Variants in MAGI3 observed in about 807,000 individuals in gnomAD.
MAGI3 encodes membrane associated guanylate kinase, WW and PDZ domain containing 3.
Under a neutral mutation model 121.8 loss-of-function variants are expected in MAGI3, and 43 were observed. That is an observed-to-expected ratio of 0.35 (90% CI 0.28 to 0.46). The LOEUF is 0.46. Among genes scored for constraint, MAGI3 ranks in the 20% least tolerant of loss-of-function variants. The probability of loss-of-function intolerance (pLI) is 1.00; values close to 1 mark genes in which losing one functional copy is unlikely to be tolerated. For synonymous variants in MAGI3, 553 were observed against 639.3 expected (o/e 0.86, Z 2.04); for missense variants, 1,547 against 1,797.3 (o/e 0.86, Z 2.52).
rs1647959575 is a variant in MAGI3, at chr1:113,580,580, G to A, written c.472G>A (p.Val158Met). Residue 158 changes from valine to methionine, a missense_variant, in exon 3 of 21, where the codon GTG becomes ATG. Transcript: ENST00000307546. ...CCCCAGGGATGGAGAAGTACCAGGA[G>A]TGGATTATAATTTCATTTCCGTTGA... ...RAPRDGEVPG[V>M]DYNFISVEQF... The A allele has an allele frequency of 1.2e-6, 2 of 1,612,000 alleles. No individual in the cohort carries two copies. The highest frequency in any genetic ancestry group is 1.7e-6 in the Non-Finnish European group (2 of 1,178,614).
chr1:113,563,728 C>T (rs1477623927), intron 2 of MAGI3, among the ~76,000 whole-genome samples: 1 of 152,184 alleles, frequency 6.6e-6, no homozygotes, highest in Non-Finnish European at 1.5e-5. Context: ...GCAAGTCCAG[C>T]CAATGTCTTA....
chr1:113,457,821 T>C (rs1654831494), intron 1 of MAGI3, among the ~76,000 whole-genome samples: 1 of 152,102 alleles, frequency 6.6e-6, no homozygotes, highest in African/African-American at 2.4e-5. Context: ...GTCAAAGAAG[T>C]CTTTGCTGAA....
intron 1 of MAGI3, among the ~76,000 whole-genome samples, chr1:113,537,669 A>G (rs1239689653): frequency 1.1e-4 from 16 of 152,092 alleles, no homozygotes; most frequent in Admixed American, 1.0e-3. Context: ...GTGTAGTCCA[A>G]ATTGTTTTGT....
intron 9 of MAGI3, among the ~76,000 whole-genome samples, chr1:113,632,689 G>C (rs1219521390): frequency 6.6e-6 from 1 of 152,096 alleles, no homozygotes; most frequent in Non-Finnish European, 1.5e-5. Flanking sequence ...ATAATGCATT[G>C]TTTGCTTCTG....
intron 6 of MAGI3, among the ~76,000 whole-genome samples, chr1:113,605,375 A>T (rs2101760341): frequency 6.6e-6 from 1 of 152,334 alleles, no homozygotes; most frequent in South Asian, 2.1e-4. Flanking sequence ...ATGTTGTAAA[A>T]GAAACCAGAC....
intron 16 of MAGI3, among the ~76,000 whole-genome samples, chr1:113,660,009 A>T (rs1653694936): frequency 6.6e-6 from 1 of 152,116 alleles, no homozygotes; most frequent in Non-Finnish European, 1.5e-5. Flanking sequence ...TCATACTATA[A>T]TGTGTATTCA....
intron 2 of MAGI3, among the ~76,000 whole-genome samples, chr1:113,561,473 A>G (rs1217904529): frequency 6.6e-6 from 1 of 152,222 alleles, no homozygotes; most frequent in Non-Finnish European, 1.5e-5. Flanking sequence ...ACACAAATCA[A>G]TAAACGTAAT....
chr1:113,661,789 C>T (rs1653796861), intron 16 of MAGI3, among the ~76,000 whole-genome samples: 1 of 152,170 alleles, frequency 6.6e-6, no homozygotes, highest in Admixed American at 6.5e-5. Flanking sequence ...ATTTCATATG[C>T]AGCCACAGCC....
At chr1:113,414,737 A>G (rs1269883479) in intron 1 of MAGI3, among the ~76,000 whole-genome samples, 2 of 151,988 alleles carry the variant, frequency 1.3e-5, no homozygotes, top group Non-Finnish European at 2.9e-5. Flanking sequence ...CTTCTATTTT[A>G]TTTTATAAAA....
At chr1:113,427,257 G>A (rs1653057611) in intron 1 of MAGI3, among the ~76,000 whole-genome samples, 1 of 152,210 alleles carries the variant, frequency 6.6e-6, no homozygotes, top group Non-Finnish European at 1.5e-5. Flanking sequence ...GGAGTCTCAG[G>A]CCTTTGAGGC....
At chr1:113,621,579 G>T (rs1336485310) in intron 8 of MAGI3, among the ~76,000 whole-genome samples, 1 of 152,002 alleles carries the variant, frequency 6.6e-6, no homozygotes, top group Non-Finnish European at 1.5e-5. Context: ...ACAAAACCTT[G>T]TGAGTGTTCA....
intron 1 of MAGI3, among the ~76,000 whole-genome samples, chr1:113,467,478 T>C (rs1655346452): frequency 6.6e-6 from 1 of 152,104 alleles, no homozygotes; most frequent in African/African-American, 2.4e-5. Flanking sequence ...GATGTTTCTT[T>C]GTTGGTTTTC....
At chr1:113,484,915 G>T (rs1449847986) in intron 1 of MAGI3, among the ~76,000 whole-genome samples, 1 of 151,408 alleles carries the variant, frequency 6.6e-6, no homozygotes, top group Non-Finnish European at 1.5e-5. Flanking sequence ...TGTATTTTTA[G>T]TAGAGATGGG....
At chr1:113,554,129 A>G (rs1659892714) in intron 2 of MAGI3, among the ~76,000 whole-genome samples, 1 of 152,270 alleles carries the variant, frequency 6.6e-6, no homozygotes, top group South Asian at 2.1e-4. Flanking sequence ...AATGTGACCC[A>G]TAATCAAAAG....
intron 11 of MAGI3, 41 bp from the exon 12 acceptor site, chr1:113,646,445 G>T (rs3761934): frequency 0.12 from 185,511 of 1,510,032 alleles, 12,010 homozygotes; most frequent in East Asian, 0.18. Flanking sequence ...TCAACCATCT[G>T]CTTTTTAAAA....
At position 113,594,529 on chromosome 1, in the gene MAGI3, A is replaced by G; in HGVS notation, c.987A>G (p.Lys329=). 1 of 1,613,634 alleles carries G rather than the reference A, an allele frequency of 6.2e-7. No individual in the cohort carries two copies. Among genetic ancestry groups the G allele is most frequent in the Non-Finnish European group, 8.5e-7 (1 of 1,179,718 alleles). The change falls in exon 6 of 21, where the codon AAA becomes AAG. Residue 329 remains lysine (K), a synonymous_variant. Coordinates refer to ENST00000307546, the MANE Select transcript of MAGI3 (RefSeq NM_001142782.2). ...GGTTGGATCCTCGTCTTTGTAAGAA[A>G]GCCAAAGCCCCTGAAGACTGTGAAG... is the stretch of plus-strand genomic sequence containing the variant. ...TTWLDPRLCK[K]AKAPEDCEDG...
Position 113,512,345 on chromosome 1 carries a change from ACT to A in MAGI3, c.317-37167_317-37166del, listed in dbSNP as rs778936432. ...ACAGGCCTTGAAGAGAGAATAATTA[ACT>A]CTATTACTGCAGCAACCACTTAAAG... On this transcript the variant is annotated intron_variant, in intron 1 of 20. Coordinates refer to ENST00000307546, the MANE Select transcript of MAGI3 (RefSeq NM_001142782.2). Among the ~76,000 whole-genome samples, 23 of 152,288 alleles carry A rather than the reference ACT, an allele frequency of 1.5e-4. 1 individual carries two copies. The South Asian group carries it at 4.8e-3, about 32-fold the overall frequency.
chr1:113,424,530 C>A (rs1261390130), intron 1 of MAGI3, among the ~76,000 whole-genome samples: 1 of 152,134 alleles, frequency 6.6e-6, no homozygotes, highest in Non-Finnish European at 1.5e-5. Flanking sequence ...ATAATTTTGT[C>A]ATTTCAAAAC....
At position 113,391,125 on chromosome 1, in the gene MAGI3, C is replaced by T. The variant is rs771560753; in HGVS notation, c.92C>T (p.Ala31Val). 1 of 1,571,896 alleles carries T rather than the reference C, an allele frequency of 6.4e-7. No individual in the cohort carries two copies. The highest frequency in any genetic ancestry group is 8.6e-7 in the Non-Finnish European group (1 of 1,159,092). Residue 31 changes from alanine to valine, a missense_variant, in exon 1 of 21, where the codon GCG becomes GTG. Physicochemically the swap from Ala to Val is moderately conservative, Grantham distance 64. Transcript: ENST00000307546. This position sits in a 1 kb window ranked among gnomAD's most constrained non-coding sequence, Gnocchi z 4.4. ...SWAGPPGDFG[A>V]EIRGGAERGE... ...GCCGGGCCCCCGGGCGACTTCGGCG[C>T]GGAGATCCGCGGTGGCGCGGAGCGT...
Sources: allele counts gnomAD v4.1 joint callset (sites outside exome capture counted in the v4.1 genomes callset), GRCh38; gene constraint gnomAD v4.1.1; non-coding constraint Gnocchi (gnomAD v3.1); transcripts MANE v1.5; gene names NCBI Gene and HGNC (gene_info 2026-07-23, HGNC 2026-07-21).